The following CBLB variants were observed in gnomAD, a reference collection of about 807,000 sequenced individuals.
The protein encoded by CBLB is Cbl proto-oncogene B, also known as E3 ubiquitin-protein ligase CBL-B.
CBLB carries 31 observed loss-of-function variants against 104.9 expected under a neutral mutation model. The observed-to-expected ratio is 0.30, with a 90% confidence interval of 0.22 to 0.40. CBLB has a LOEUF of 0.40. Ranked by LOEUF, CBLB falls within the 10% of genes least tolerant of loss-of-function variation. The pLI is 1.00. For synonymous variants in CBLB, 440 were observed against 422.6 expected (o/e 1.04, Z -0.51); for missense variants, 1,062 against 1,214.6 (o/e 0.87, Z 1.87).
At chr3:105,693,935 A>G (rs1311366932) in intron 12 of CBLB, among the ~76,000 whole-genome samples, 1 of 152,028 alleles carries the variant, frequency 6.6e-6, no homozygotes, top group Non-Finnish European at 1.5e-5. Context: ...ATTCTCTATA[A>G]GGGGTAAAGA....
intron 3 of CBLB, among the ~76,000 whole-genome samples, chr3:105,806,764 A>G (rs2083561840): frequency 1.3e-5 from 2 of 152,212 alleles, no homozygotes; most frequent in Admixed American, 6.5e-5. Flanking sequence ...GAGATATGGC[A>G]AAAATATCCG....
At chr3:105,708,112 A>T (rs1037498434) in intron 10 of CBLB, among the ~76,000 whole-genome samples, 1 of 152,028 alleles carries the variant, frequency 6.6e-6, no homozygotes, top group Non-Finnish European at 1.5e-5. Flanking sequence ...TTGACTCCTT[A>T]TCAGCCATTT....
In CBLB at chr3:105,672,236, T is replaced by C. The variant is rs78572114; in HGVS notation, c.2570-1884A>G. 1,492 of 185,300 alleles carry C rather than the reference T, an allele frequency of 8.1e-3. 49 individuals carry two copies. Among genetic ancestry groups the C allele is most frequent in the East Asian group, 0.068 (780 of 11,422 alleles). The allele number at this position is 185,300 out of a possible 1,614,324, so 11.5% of individuals were successfully genotyped here. A position where few individuals can be genotyped will look rare whatever the true frequency, so the allele number is the denominator to read the frequency against. ...TCTGGATACACTTCAGAGCCATACATAGACTATAAAATATACCACTGTACT... is the reference window on the plus strand; with the variant it reads ...TCTGGATACACTTCAGAGCCATACACAGACTATAAAATATACCACTGTACT... On this transcript the variant is annotated intron_variant, in intron 17 of 18. Coordinates refer to ENST00000394030, the MANE Select transcript of CBLB (RefSeq NM_170662.5).
chr3:105,704,672 T>C (rs2069794850), intron 10 of CBLB, among the ~76,000 whole-genome samples: 1 of 152,174 alleles, frequency 6.6e-6, no homozygotes. Context: ...TAATTGTGTG[T>C]TTAAAACAAA....
chr3:105,763,862 T>C (rs1381689146), intron 4 of CBLB, among the ~76,000 whole-genome samples: 2 of 152,198 alleles, frequency 1.3e-5, no homozygotes, highest in Non-Finnish European at 1.5e-5. Context: ...TCAAAGGACT[T>C]TGTTACTCAC....
intron 13 of CBLB, among the ~76,000 whole-genome samples, chr3:105,685,872 T>C (rs1559817127): frequency 6.6e-6 from 1 of 152,182 alleles, no homozygotes; most frequent in Non-Finnish European, 1.5e-5. Flanking sequence ...GTTTTATATA[T>C]TAAAGAAGTC....
At chr3:105,665,388 A>G (rs1576138405) in intron 18 of CBLB, among the ~76,000 whole-genome samples, 1 of 62,622 alleles carries the variant, frequency 1.6e-5, no homozygotes, top group East Asian at 5.1e-4. Context: ...TCTGTCTCCA[A>G]AAAAATAAAT....
intron 16 of CBLB, chr3:105,681,208 G>A: frequency 1.9e-6 from 1 of 522,874 alleles, no homozygotes; most frequent in Non-Finnish European, 3.4e-6. Context: ...AGAGCACAAA[G>A]CTCTCATGTG....
rs1475054544 is a variant in CBLB, at chr3:105,656,984, C to T, written c.*1986G>A. The T allele has an allele frequency of 1.8e-5, 4 of 222,658 alleles. No homozygotes were observed. Among genetic ancestry groups the T allele is most frequent in the African/African-American group, 8.9e-5 (4 of 44,762 alleles). 13.8% of individuals were successfully genotyped at this position (222,658 alleles called of 1,614,324 possible). A position where few individuals can be genotyped will look rare whatever the true frequency, so the allele number is the denominator to read the frequency against. The stretch of plus-strand genomic sequence containing the variant: ...GCAATTTTAAAAGTGTAAGAAACTT[C>T]ACTCATGTACCTACTCATGGGAAGA... On this transcript the variant is annotated 3_prime_UTR_variant, in exon 19 of 19. Coordinates refer to ENST00000394030, the MANE Select transcript of CBLB (RefSeq NM_170662.5).
At position 105,776,273 on chromosome 3, in the gene CBLB, A is replaced by G; in HGVS notation, c.566+123T>C. 10 of 879,820 alleles carry G rather than the reference A, an allele frequency of 1.1e-5. 1 individual carries two copies. In the South Asian group the frequency reaches 1.6e-4, roughly 14 times the overall value. 54.5% of individuals were successfully genotyped at this position (879,820 alleles called of 1,614,324 possible). A position where few individuals can be genotyped will look rare whatever the true frequency, so the allele number is the denominator to read the frequency against. ...AAATTACCAATCAATCAAAATGCTTATCAAAAATAATAAAATACATTCACA... is the reference window on the plus strand; with the variant it reads ...AAATTACCAATCAATCAAAATGCTTGTCAAAAATAATAAAATACATTCACA... On this transcript the variant is annotated intron_variant, in intron 4 of 18. Coordinates refer to ENST00000394030, the MANE Select transcript of CBLB (RefSeq NM_170662.5).
At chr3:105,729,272 C>CT (rs1281109928) in intron 9 of CBLB, among the ~76,000 whole-genome samples, 1 of 152,028 alleles carries the variant, frequency 6.6e-6, no homozygotes, top group East Asian at 1.9e-4. Context: ...TTAATTTTAA[C>CT]TTTAACTTCT....
chr3:105,725,014 T>C (rs1214268790), intron 9 of CBLB, among the ~76,000 whole-genome samples: 1 of 152,150 alleles, frequency 6.6e-6, no homozygotes, highest in Non-Finnish European at 1.5e-5. Flanking sequence ...CAATCTCAGA[T>C]TCATAGTCAA....
intron 4 of CBLB, among the ~76,000 whole-genome samples, chr3:105,759,073 G>C (rs1011716948): frequency 6.6e-5 from 10 of 151,736 alleles, no homozygotes; most frequent in African/African-American, 2.2e-4. Context: ...CAAACAACTG[G>C]AGGGTGGGAA....
At chr3:105,690,730 G>A (rs1307440799) in intron 13 of CBLB, among the ~76,000 whole-genome samples, 1 of 151,542 alleles carries the variant, frequency 6.6e-6, no homozygotes, top group Non-Finnish European at 1.5e-5. Context: ...GCTGAGGCAG[G>A]AGAACCGCTT....
Position 105,659,024 on chromosome 3 carries a change from G to A in CBLB, c.2895C>T (p.Ser965=). Residue 965 remains serine (S), a synonymous_variant, in exon 19 of 19, where the codon AGC becomes AGT. Transcript: ENST00000394030. ...GAGGGAAGGCAAATTCTCGGAGGATGCTCCGGGCAACTTCGACATTATTCT... is the reference window on the plus strand; with the variant it reads ...GAGGGAAGGCAAATTCTCGGAGGATACTCCGGGCAACTTCGACATTATTCT... ...IAQNNVEVAR[S]ILREFAFPPP... The A allele has an allele frequency of 2.5e-6, 4 of 1,613,902 alleles. No individual in the cohort carries two copies. Among genetic ancestry groups the A allele is most frequent in the South Asian group, 1.1e-5 (1 of 91,082 alleles).
chr3:105,826,129 T>C (rs1233001354), intron 3 of CBLB, among the ~76,000 whole-genome samples: 4 of 152,180 alleles, frequency 2.6e-5, no homozygotes, highest in African/African-American at 7.2e-5. Context: ...GGATCCAGCA[T>C]GTCCCCAATT....
intron 3 of CBLB, among the ~76,000 whole-genome samples, chr3:105,784,209 A>T (rs1200519074): frequency 6.6e-6 from 1 of 152,208 alleles, no homozygotes; most frequent in Non-Finnish European, 1.5e-5. Context: ...TTGTAAAATA[A>T]ACCTTTAAAA....
rs2063386683 is a variant in CBLB, at chr3:105,656,897, A to G, written c.*2073T>C. 2 of 212,572 alleles carry G rather than the reference A, an allele frequency of 9.4e-6. No homozygotes were observed. The highest frequency in any genetic ancestry group is 4.5e-5 in the African/African-American group (2 of 44,208). The allele number at this position is 212,572 out of a possible 1,614,324, so 13.2% of individuals were successfully genotyped here. ...TCCAAGGTGACATCTGAAACTGTTA[A>G]AACAAGTGAAAAATCATAATGACAA... On this transcript the variant is annotated 3_prime_UTR_variant, in exon 19 of 19. Coordinates refer to ENST00000394030, the MANE Select transcript of CBLB (RefSeq NM_170662.5).
At chr3:105,780,648 GTTTTGTTTTTTGT>G (rs2080086885) in intron 3 of CBLB, among the ~76,000 whole-genome samples, 1 of 105,054 alleles carries the variant, frequency 9.5e-6, no homozygotes, top group Admixed American at 1.2e-4. Context: ...TACAATAAAA[GTTTTGTTTTTTGT>G]TTTTTTTTTT....
Sources: allele counts gnomAD v4.1 joint callset (sites outside exome capture counted in the v4.1 genomes callset), GRCh38; gene constraint gnomAD v4.1.1; transcripts MANE v1.5; gene names NCBI Gene and HGNC (gene_info 2026-07-23, HGNC 2026-07-21).